The following DYNC2H1 variants were observed in gnomAD, a reference collection of about 807,000 sequenced individuals.
DYNC2H1 encodes the protein dynein cytoplasmic 2 heavy chain 1.
DYNC2H1 carries 410 observed loss-of-function variants against 570.0 expected under a neutral mutation model. That is an observed-to-expected ratio of 0.72 (90% CI 0.66 to 0.78). The LOEUF (loss-of-function observed/expected upper bound fraction) is 0.78, where lower values mean the gene tolerates loss of function less well. Among genes scored for constraint, DYNC2H1 ranks in the 30% least tolerant of loss-of-function variants. The pLI is 0.00. For synonymous variants in DYNC2H1, 1,688 were observed against 1,677.6 expected (o/e 1.01, Z -0.15); for missense variants, 4,865 against 5,046.4 (o/e 0.96, Z 1.09).
rs1354309951 is a variant in DYNC2H1 at position 103,163,969 on chromosome 11, A to G, written c.4611+822A>G. On this transcript the variant is annotated intron_variant, in intron 30 of 88. Transcript: ENST00000375735. This position sits in a 1 kb window ranked among gnomAD's most constrained non-coding sequence, Gnocchi z 4.6. ...TACATTCTGAACCATTTTCTCATAC[A>G]TGCCATTTGTATCTTTTTTCATTTT... 3.3e-5 allele frequency among the ~76,000 whole-genome samples: 5 copies of G among 152,234 alleles called. No homozygotes were observed. Among genetic ancestry groups the G allele is most frequent in the African/African-American group, 1.2e-4 (5 of 41,460 alleles).
In DYNC2H1 at chr11:103,211,927, G is replaced by T; in HGVS notation, c.8678G>T (p.Arg2893Ile). 1 of 1,528,742 alleles carries T rather than the reference G, an allele frequency of 6.5e-7. No individual in the cohort carries two copies. The highest frequency in any genetic ancestry group is 8.8e-7 in the Non-Finnish European group (1 of 1,136,844). 94.7% of individuals were successfully genotyped at this position (1,528,742 alleles called of 1,614,324 possible). ...AGCAAGAAAAAGGAATTATTAAAAAGACAAAGTCATTTGCAGGTATAGTAT... is the reference window on the plus strand; with the variant it reads ...AGCAAGAAAAAGGAATTATTAAAAATACAAAGTCATTTGCAGGTATAGTAT... The part of the protein sequence containing the change: ...SSSKKKELLK[R>I]QSHLQAGVSK... The change falls in exon 54 of 89, where the codon AGA (arginine) becomes ATA (isoleucine). Residue 2893 changes from arginine (R) to isoleucine (I), a missense_variant. Physicochemically the swap from Arg to Ile is moderately conservative, Grantham distance 97. Around this residue, in one of 5 missense-constraint regions of DYNC2H1, gnomAD observed 2,401 missense variants for 2,454.6 expected, o/e 0.98. Transcript: ENST00000375735.
At chr11:103,428,184 GCT>G (rs1491152012) in intron 84 of DYNC2H1, among the ~76,000 whole-genome samples, 2 of 80,572 alleles carry the variant, frequency 2.5e-5, no homozygotes, top group Non-Finnish European at 4.3e-5. Context: ...TATAACATGA[GCT>G]TTTTTTTTTT....
chr11:103,149,877 TG>T (rs1414058227), intron 20 of DYNC2H1, among the ~76,000 whole-genome samples: 1 of 151,598 alleles, frequency 6.6e-6, no homozygotes, highest in Non-Finnish European at 1.5e-5. Flanking sequence ...TTACTTAGGG[TG>T]GGTGATCATG....
At chr11:103,460,688 AATGT>A (rs1429973476) in intron 87 of DYNC2H1, among the ~76,000 whole-genome samples, 1 of 151,082 alleles carries the variant, frequency 6.6e-6, no homozygotes, top group African/African-American at 2.4e-5. Context: ...ATATATAATG[AATGT>A]ATATTTTTAT....
intron 60 of DYNC2H1, among the ~76,000 whole-genome samples, chr11:103,233,067 A>C (rs1565416611): frequency 6.6e-6 from 1 of 152,000 alleles, no homozygotes; most frequent in East Asian, 1.9e-4. Context: ...AATTGGTTCT[A>C]GAGTCTTATG....
intron 84 of DYNC2H1, among the ~76,000 whole-genome samples, chr11:103,433,327 A>T (rs1464335322): frequency 1.3e-5 from 2 of 152,168 alleles, no homozygotes; most frequent in African/African-American, 4.8e-5. Context: ...ATGAATAATG[A>T]CTTAAACATC....
intron 70 of DYNC2H1, among the ~76,000 whole-genome samples, chr11:103,276,236 A>G (rs2135323731): frequency 6.6e-6 from 1 of 152,220 alleles, no homozygotes; most frequent in East Asian, 1.9e-4. Context: ...TTATAAAAGA[A>G]ATTTTACGTA....
chr11:103,342,525 TGGG>T (rs1001661230), intron 82 of DYNC2H1, among the ~76,000 whole-genome samples: 6 of 141,462 alleles, frequency 4.2e-5, no homozygotes, highest in Non-Finnish European at 7.8e-5. Context: ...TTTTTTGAGA[TGGG>T]GGCTCGCTCT....
intron 83 of DYNC2H1, among the ~76,000 whole-genome samples, chr11:103,378,168 T>C (rs1289623302): frequency 1.3e-5 from 2 of 152,228 alleles, no homozygotes; most frequent in Non-Finnish European, 2.9e-5. Context: ...GTTATTAATA[T>C]TAAGAATTGT....
In DYNC2H1 at chr11:103,199,360, G is replaced by A. The variant is rs1268066804; in HGVS notation, c.7972G>A (p.Gly2658Ser). ...GGSLLLAGRSGVGRRTITSLV... is the reference protein window; with the variant it reads ...GGSLLLAGRSSVGRRTITSLV... The stretch of plus-strand genomic sequence containing the variant: ...TTCACTTCTATTAGCAGGACGCAGT[G>A]GTGTAGGTCGTCGGACCATCACTTC... Residue 2658 changes from glycine to serine, a missense_variant, in exon 49 of 89, where the codon GGT becomes AGT. Coordinates refer to ENST00000375735, the MANE Select transcript of DYNC2H1 (RefSeq NM_001377.3). This position sits in a 1 kb window ranked among gnomAD's most constrained non-coding sequence, Gnocchi z 4.6. 4 of 1,612,360 alleles carry A rather than the reference G, an allele frequency of 2.5e-6. No individual in the cohort carries two copies. The highest frequency in any genetic ancestry group is 1.7e-5 in the Admixed American group (1 of 59,962).
Position 103,205,895 on chromosome 11 carries a change from G to A in DYNC2H1, c.8454+931G>A, listed in dbSNP as rs550857105. 4.9e-4 allele frequency among the ~76,000 whole-genome samples: 75 copies of A among 152,218 alleles called. No individual in the cohort carries two copies. Among genetic ancestry groups the A allele is most frequent in the African/African-American group, 1.7e-3 (72 of 41,550 alleles). On this transcript the variant is annotated intron_variant, in intron 52 of 88. Transcript: ENST00000375735. The surrounding 1 kb of genome is among the most constrained non-coding windows in gnomAD (Gnocchi z 4.5). ...AACTAAGAGGAAACCAGTTAGGATG[G>A]GGCTTTGTAAGCTACTACACTCTAT...
intron 63 of DYNC2H1, among the ~76,000 whole-genome samples, chr11:103,238,281 T>C (rs1864298080): frequency 6.6e-6 from 1 of 152,044 alleles, no homozygotes; most frequent in Non-Finnish European, 1.5e-5. Context: ...TTAACTATGC[T>C]AAAGCTGGCC....
chr11:103,374,186 G>A (rs892330789), intron 83 of DYNC2H1, among the ~76,000 whole-genome samples: 6 of 152,124 alleles, frequency 3.9e-5, no homozygotes, highest in African/African-American at 1.4e-4. Flanking sequence ...ATCTTGAATT[G>A]TAATCCCCAT....
At chr11:103,384,191 G>A (rs1195997532) in intron 83 of DYNC2H1, among the ~76,000 whole-genome samples, 1 of 152,056 alleles carries the variant, frequency 6.6e-6, no homozygotes, top group Non-Finnish European at 1.5e-5. Flanking sequence ...ACACAAAATG[G>A]TATTTTGTTC....
chr11:103,142,039 G>A (rs1859970274), intron 17 of DYNC2H1, among the ~76,000 whole-genome samples: 1 of 152,208 alleles, frequency 6.6e-6, no homozygotes, highest in Admixed American at 6.5e-5. Context: ...CTCCTGGTGT[G>A]CCATTTTTGA....
chr11:103,345,052 C>G (rs541523184), intron 82 of DYNC2H1, among the ~76,000 whole-genome samples: 1 of 152,288 alleles, frequency 6.6e-6, no homozygotes, highest in African/African-American at 2.4e-5. Flanking sequence ...CTCACACATG[C>G]ATTTGTGCCC....
At chr11:103,436,872 T>C (rs191158263) in intron 85 of DYNC2H1, among the ~76,000 whole-genome samples, 44 of 152,260 alleles carry the variant, frequency 2.9e-4, no homozygotes, top group African/African-American at 1.0e-3. Flanking sequence ...CACATAACTA[T>C]ATTCTCTTTC....
chr11:103,140,943 C>G (rs1859884711), intron 17 of DYNC2H1, among the ~76,000 whole-genome samples: 1 of 152,050 alleles, frequency 6.6e-6, no homozygotes, highest in South Asian at 2.1e-4. Flanking sequence ...CTTCTCGGTT[C>G]ATTTCATTCA....
chr11:103,474,434 A>C (rs1945489281), intron 88 of DYNC2H1, among the ~76,000 whole-genome samples: 1 of 152,178 alleles, frequency 6.6e-6, no homozygotes, highest in African/African-American at 2.4e-5. Flanking sequence ...TTGTCTTCAT[A>C]TGTGTTTTGT....
Sources: allele counts gnomAD v4.1 joint callset (sites outside exome capture counted in the v4.1 genomes callset), GRCh38; gene constraint gnomAD v4.1.1; regional missense constraint gnomAD v4.1.1; non-coding constraint Gnocchi (gnomAD v3.1); transcripts MANE v1.5; gene names NCBI Gene and HGNC (gene_info 2026-07-23, HGNC 2026-07-21).